SLC14A2: variants seen among roughly 807,000 people sequenced by gnomAD.
The protein encoded by SLC14A2 is solute carrier family 14 member 2.
In SLC14A2, 91 loss-of-function variants were observed where a neutral mutation model predicts 104.6. That is an observed-to-expected ratio of 0.87 (90% CI 0.73 to 1.04). The LOEUF (loss-of-function observed/expected upper bound fraction) is 1.04, where lower values mean the gene tolerates loss of function less well. Ranked by LOEUF, SLC14A2 falls within the 50% of genes least tolerant of loss-of-function variation. The pLI is 0.00. For synonymous variants in SLC14A2, 476 were observed against 466.4 expected (o/e 1.02, Z -0.27); for missense variants, 1,189 against 1,156.0 (o/e 1.03, Z -0.41).
At chr18:45,460,210 AT>A (rs888717433) in intron 1 of SLC14A2, among the ~76,000 whole-genome samples, 1 of 152,152 alleles carries the variant, frequency 6.6e-6, no homozygotes, top group Admixed American at 6.5e-5. Context: ...CCATGGCACC[AT>A]TTCAGGCAGC....
intron 1 of SLC14A2, among the ~76,000 whole-genome samples, chr18:45,338,675 T>A (rs1436275717): frequency 1.0e-5 from 1 of 99,314 alleles, no homozygotes; most frequent in Non-Finnish European, 1.8e-5. Flanking sequence ...TAACTCACAC[T>A]GGCTCACAAA....
chr18:45,628,016 A>G (rs201478038), intron 4 of SLC14A2, among the ~76,000 whole-genome samples: 13,350 of 148,368 alleles, frequency 0.09, 691 homozygotes, highest in East Asian at 0.19. Flanking sequence ...AAAAAAAAAA[A>G]AAAAGAAAAG....
At chr18:45,513,873 A>AC (rs1415105725) in intron 2 of SLC14A2, among the ~76,000 whole-genome samples, 1 of 152,038 alleles carries the variant, frequency 6.6e-6, no homozygotes, top group Non-Finnish European at 1.5e-5. Flanking sequence ...TTCCACAGGG[A>AC]CCCCACAGAC....
In SLC14A2 at chr18:45,683,277, T is replaced by C. The variant is rs901335064; in HGVS notation, c.*758T>C. ...GAGCCCCTACCAGGTTGAGCAAGTC[T>C]TTCCCCACTCTCCACCTCCATTTCT... On this transcript the variant is annotated 3_prime_UTR_variant, in exon 20 of 20. Coordinates refer to ENST00000255226, the MANE Select transcript of SLC14A2 (RefSeq NM_007163.4). The C allele has an allele frequency of 2.0e-5, 3 of 152,170 alleles. No homozygotes were observed. Among genetic ancestry groups the C allele is most frequent in the Non-Finnish European group, 4.4e-5 (3 of 68,038 alleles). 9.4% of individuals were successfully genotyped at this position (152,170 alleles called of 1,614,324 possible). A position where few individuals can be genotyped will look rare whatever the true frequency, so the allele number is the denominator to read the frequency against.
At chr18:45,520,588 A>T (rs537343004) in intron 2 of SLC14A2, among the ~76,000 whole-genome samples, 1 of 152,334 alleles carries the variant, frequency 6.6e-6, no homozygotes, top group South Asian at 2.1e-4. Context: ...ATGTCAAATG[A>T]GCTAGATCTT....
chr18:45,479,146 T>C (rs1050612098), intron 1 of SLC14A2, among the ~76,000 whole-genome samples: 4 of 152,226 alleles, frequency 2.6e-5, no homozygotes, highest in African/African-American at 4.8e-5. Flanking sequence ...CTTATTATTA[T>C]TGTCTTGGAA....
chr18:45,408,210 G>A (rs11876730), intron 1 of SLC14A2, among the ~76,000 whole-genome samples: 26,499 of 152,018 alleles, frequency 0.17, 3,823 homozygotes, highest in African/African-American at 0.39. Flanking sequence ...GGGAAATCAA[G>A]CTGGCATATG....
intron 2 of SLC14A2, among the ~76,000 whole-genome samples, chr18:45,543,396 C>T (rs1338984714): frequency 6.6e-6 from 1 of 151,896 alleles, no homozygotes; most frequent in Non-Finnish European, 1.5e-5. Flanking sequence ...AAATAGAAGC[C>T]AGCTAACTCA....
At chr18:45,296,539 C>T (rs2084919365) in intron 1 of SLC14A2, among the ~76,000 whole-genome samples, 1 of 152,190 alleles carries the variant, frequency 6.6e-6, no homozygotes, top group Admixed American at 6.5e-5. Context: ...ATCTCCTGGT[C>T]CTTTCCATCT....
At chr18:45,542,047 T>TTG (rs2043894914) in intron 2 of SLC14A2, among the ~76,000 whole-genome samples, 2 of 89,912 alleles carry the variant, frequency 2.2e-5, no homozygotes, top group African/African-American at 8.8e-5. Context: ...TTTTTTTTTT[T>TTG]TTTTTTTTTT....
At chr18:45,463,720 T>C (rs60964405) in intron 1 of SLC14A2, among the ~76,000 whole-genome samples, 44,555 of 152,032 alleles carry the variant, frequency 0.29, 7,016 homozygotes, top group Admixed American at 0.45. Flanking sequence ...GGTGGTGAGC[T>C]AGTCACTGAA....
intron 1 of SLC14A2, among the ~76,000 whole-genome samples, chr18:45,283,458 T>G (rs1002820419): frequency 5.6e-5 from 8 of 142,516 alleles, no homozygotes; most frequent in African/African-American, 2.3e-4. Flanking sequence ...TCTGAACACG[T>G]TGAGTCTCCT....
intron 1 of SLC14A2, among the ~76,000 whole-genome samples, chr18:45,279,762 C>G (rs930837243): frequency 6.6e-6 from 1 of 152,172 alleles, no homozygotes; most frequent in Admixed American, 6.5e-5. Context: ...AAGAAACTTA[C>G]AACCATCCAA....
At position 45,673,892 on chromosome 18, in the gene SLC14A2, A is replaced by C. The variant is rs1463628626; in HGVS notation, c.2512+75A>C. On this transcript the variant is annotated intron_variant, in intron 18 of 19. Transcript: ENST00000255226. ...ATAAAACTGTTTTTTTATGTTTTTT[A>C]ATGGTTATTTAGTAATTAATAGATT... The C allele has an allele frequency of 2.7e-6, 4 of 1,459,242 alleles. No homozygotes were observed. The African/African-American group carries it at 5.7e-5, about 21-fold the overall frequency. 90.4% of individuals were successfully genotyped at this position (1,459,242 alleles called of 1,614,324 possible).
intron 10 of SLC14A2, 73 bp downstream of exon 10, chr18:45,644,233 G>C (rs1191045957): frequency 6.8e-7 from 1 of 1,472,172 alleles, no homozygotes; most frequent in East Asian, 2.3e-5. Flanking sequence ...CTCTGCTCTG[G>C]TTCAATCAGT....
At chr18:45,486,304 T>C (rs1370067554) in intron 2 of SLC14A2, among the ~76,000 whole-genome samples, 1 of 152,134 alleles carries the variant, frequency 6.6e-6, no homozygotes, top group African/African-American at 2.4e-5. Context: ...GGTTTATAAG[T>C]ATTTTAATTA....
chr18:45,310,689 G>GCAGC (rs1162575244), intron 1 of SLC14A2, among the ~76,000 whole-genome samples: 3 of 152,234 alleles, frequency 2.0e-5, no homozygotes, highest in Admixed American at 6.5e-5. Flanking sequence ...TGCTTTCGGA[G>GCAGC]ATGTAAGTGA....
At chr18:45,223,732 C>CA (rs1168005422) in intron 1 of SLC14A2, among the ~76,000 whole-genome samples, 1 of 152,148 alleles carries the variant, frequency 6.6e-6, no homozygotes, top group Non-Finnish European at 1.5e-5. Flanking sequence ...AAGACTCAGC[C>CA]AGCCCTGAGG....
intron 2 of SLC14A2, among the ~76,000 whole-genome samples, chr18:45,572,291 C>T (rs929483778): frequency 2.0e-5 from 3 of 152,126 alleles, no homozygotes; most frequent in African/African-American, 7.2e-5. Flanking sequence ...TGATAAGATG[C>T]CCCCAACAAA....
Sources: allele counts gnomAD v4.1 joint callset (sites outside exome capture counted in the v4.1 genomes callset), GRCh38; gene constraint gnomAD v4.1.1; transcripts MANE v1.5; gene names NCBI Gene and HGNC (gene_info 2026-07-23, HGNC 2026-07-21).